The following CDH13 variants were observed in gnomAD, a reference collection of about 807,000 sequenced individuals.
The protein encoded by CDH13 is cadherin-13.
CDH13 carries 24 observed loss-of-function variants against 63.8 expected under a neutral mutation model. The ratio of observed to expected loss-of-function variants is 0.38; its 90% confidence interval spans 0.27 to 0.53. The LOEUF is 0.53. CDH13 is among the 20% of genes least tolerant of loss of function. CDH13 has a pLI of 0.85. For missense variants in CDH13, 1,049 were observed against 903.1 expected, an observed-to-expected ratio of 1.16 and a Z score of -2.07; for synonymous variants, 503 against 355.3, an observed-to-expected ratio of 1.42 and a Z score of -4.67.
intron 1 of CDH13, among the ~76,000 whole-genome samples, chr16:82,850,881 G>T (rs2039453826): frequency 6.6e-6 from 1 of 152,134 alleles, no homozygotes; most frequent in Admixed American, 6.5e-5. Context: ...TATGTACATT[G>T]TTTTTAGAAA....
intron 4 of CDH13, among the ~76,000 whole-genome samples, chr16:83,168,598 A>G (rs1597455409): frequency 6.6e-6 from 1 of 150,860 alleles, no homozygotes; most frequent in Non-Finnish European, 1.5e-5. Flanking sequence ...TATTGTTAGT[A>G]AAATAAATTT....
intron 2 of CDH13, chr16:82,953,846 A>G (rs1391274697): frequency 2.0e-5 from 3 of 152,214 alleles, no homozygotes; most frequent in Admixed American, 6.5e-5. Context: ...AGTAATAACA[A>G]CGACAATAAT....
rs190662766 is a variant in CDH13, at chr16:83,004,488, C to T, written c.158-27522C>T. On this transcript the variant is annotated intron_variant, in intron 2 of 13. Coordinates refer to ENST00000567109, the MANE Select transcript of CDH13 (RefSeq NM_001257.5). ...CTTCTTTTGAATGTCATGCAAGGAC[C>T]CCTGTTTTGTTTTGTTTTGTTTTGT... is the stretch of plus-strand genomic sequence containing the variant. Among the ~76,000 whole-genome samples, 979 of 152,016 alleles carry T rather than the reference C, an allele frequency of 6.4e-3. 6 individuals are homozygous for T. Among genetic ancestry groups the T allele is most frequent in the Middle Eastern group, 0.017 (5 of 294 alleles).
intron 5 of CDH13, among the ~76,000 whole-genome samples, chr16:83,317,428 C>T (rs2090130912): frequency 6.6e-6 from 1 of 152,170 alleles, no homozygotes. Flanking sequence ...TCAACCAAAG[C>T]AAATCATAGG....
In CDH13 at chr16:83,619,491, A is replaced by C. The variant is rs1032347113; in HGVS notation, c.1101+16897A>C. On this transcript the variant is annotated intron_variant, in intron 8 of 13. Transcript: ENST00000567109. ...GATGTTTATTACCTCACAGCTCTGG[A>C]GGCAGAAGTCCAAGAGCAAGGCACT... is the stretch of plus-strand genomic sequence containing the variant. Among the ~76,000 whole-genome samples, 19 of 152,234 alleles carry C rather than the reference A, an allele frequency of 1.2e-4. 1 individual carries two copies. Among genetic ancestry groups the C allele is most frequent in the Non-Finnish European group, 1.3e-4 (9 of 68,034 alleles).
chr16:83,595,814 A>C (rs900025685), intron 7 of CDH13, among the ~76,000 whole-genome samples: 4 of 122,336 alleles, frequency 3.3e-5, no homozygotes, highest in African/African-American at 5.1e-5. Flanking sequence ...GTGAACATAC[A>C]ACATTGTTTT....
At chr16:83,292,808 G>T (rs1047152568) in intron 5 of CDH13, among the ~76,000 whole-genome samples, 2 of 152,152 alleles carry the variant, frequency 1.3e-5, no homozygotes, top group African/African-American at 4.8e-5. Flanking sequence ...TAGCTTGATA[G>T]TGCTCTGTTT....
At chr16:82,816,280 TTCACTCAGTAAATATTTA>T (rs2037705732) in intron 1 of CDH13, among the ~76,000 whole-genome samples, 1 of 152,158 alleles carries the variant, frequency 6.6e-6, no homozygotes, top group Admixed American at 6.5e-5. Flanking sequence ...GCCATCTGAA[TTCACTCAGTAAATATTTA>T]TTGAGTACCC....
intron 7 of CDH13, among the ~76,000 whole-genome samples, chr16:83,529,959 A>G (rs557101661): frequency 6.6e-6 from 1 of 152,296 alleles, no homozygotes; most frequent in South Asian, 2.1e-4. Flanking sequence ...GGAGTGCAAA[A>G]GAACTTGTGA....
At chr16:83,433,589 G>A (rs1449131620) in intron 6 of CDH13, among the ~76,000 whole-genome samples, 1 of 152,160 alleles carries the variant, frequency 6.6e-6, no homozygotes, top group African/African-American at 2.4e-5. Flanking sequence ...GTGAGCTTGG[G>A]GATGAGGGTG....
intron 1 of CDH13, among the ~76,000 whole-genome samples, chr16:82,673,006 T>TCTTTC (rs1555531936): frequency 3.1e-5 from 4 of 129,192 alleles, no homozygotes; most frequent in African/African-American, 8.8e-5. Context: ...TTTCTTTTTT[T>TCTTTC]TTTTTTTTTT....
At chr16:82,728,921 A>G (rs1175915153) in intron 1 of CDH13, among the ~76,000 whole-genome samples, 2 of 152,176 alleles carry the variant, frequency 1.3e-5, no homozygotes, top group Middle Eastern at 3.2e-3. Flanking sequence ...CATTTCAACA[A>G]TGTTCACAGT....
chr16:83,071,165 T>G (rs1411367947), intron 3 of CDH13, among the ~76,000 whole-genome samples: 3 of 152,126 alleles, frequency 2.0e-5, no homozygotes, highest in Non-Finnish European at 2.9e-5. Context: ...ATTCTGAACA[T>G]TCTCAGAAAA....
intron 4 of CDH13, among the ~76,000 whole-genome samples, chr16:83,198,176 G>A (rs1361287134): frequency 6.6e-6 from 1 of 151,524 alleles, no homozygotes; most frequent in Admixed American, 6.6e-5. Context: ...TTTGTAAAGA[G>A]GAAAAAAAGC....
At chr16:83,686,306 A>G (rs192139798) in intron 10 of CDH13, among the ~76,000 whole-genome samples, 536 of 152,278 alleles carry the variant, frequency 3.5e-3, no homozygotes, top group Non-Finnish European at 5.7e-3. Flanking sequence ...GAGAGTAACA[A>G]TCATCTTTAT....
At chr16:83,283,610 G>A (rs2089237589) in intron 5 of CDH13, among the ~76,000 whole-genome samples, 1 of 152,098 alleles carries the variant, frequency 6.6e-6, no homozygotes, top group Non-Finnish European at 1.5e-5. Context: ...AATTTCCACA[G>A]GAGATTGTAA....
intron 6 of CDH13, among the ~76,000 whole-genome samples, chr16:83,413,612 C>T (rs988378283): frequency 6.6e-6 from 1 of 152,130 alleles, no homozygotes; most frequent in Non-Finnish European, 1.5e-5. Context: ...GAAATAGTGT[C>T]CTAATCATGC....
At chr16:82,686,842 G>C (rs1915123136) in intron 1 of CDH13, among the ~76,000 whole-genome samples, 1 of 152,124 alleles carries the variant, frequency 6.6e-6, no homozygotes, top group Admixed American at 6.5e-5. Context: ...CCCACCATGT[G>C]GAACAACACA....
Position 83,031,243 on chromosome 16 carries a change from A to G in CDH13, c.158-767A>G, listed in dbSNP as rs560612172. On this transcript the variant is annotated intron_variant, in intron 2 of 13. Transcript: ENST00000567109. ...ACATGCGCATGTATACACCATATAC[A>G]TGCGCATGTATACACCATATACATG... 1.0e-3 allele frequency among the ~76,000 whole-genome samples: 152 copies of G among 146,076 alleles called. 3 individuals are homozygous for G. The highest frequency in any genetic ancestry group is 3.6e-3 in the African/African-American group (145 of 39,930).
Sources: gnomAD v4.1 joint callset for allele counts (sites outside exome capture counted in the v4.1 genomes callset) on GRCh38, gnomAD v4.1.1 for gene constraint, MANE v1.5 for transcripts, NCBI Gene and HGNC (gene_info 2026-07-23, HGNC 2026-07-21) for gene names.